Variants in TRAPPC9 observed in about 807,000 individuals in gnomAD.
TRAPPC9 encodes the protein IKK2 binding protein.
TRAPPC9 carries 83 observed loss-of-function variants against 124.0 expected under a neutral mutation model. That is an observed-to-expected ratio of 0.67 (90% CI 0.56 to 0.80). The LOEUF (loss-of-function observed/expected upper bound fraction) is 0.80, where lower values mean the gene tolerates loss of function less well. Ranked by LOEUF, TRAPPC9 falls within the 30% of genes least tolerant of loss-of-function variation. The pLI is 0.00. For synonymous variants in TRAPPC9, 638 were observed against 617.5 expected, an observed-to-expected ratio of 1.03 and a Z score of -0.49; for missense variants, 1,302 against 1,508.3, an observed-to-expected ratio of 0.86 and a Z score of 2.27.
chr8:140,203,047 T>C (rs2062830641), intron 17 of TRAPPC9, among the ~76,000 whole-genome samples: 2 of 152,154 alleles, frequency 1.3e-5, no homozygotes, highest in Admixed American at 6.5e-5. Context: ...CAAAATGCAA[T>C]GCAATGAGTG....
chr8:139,977,325 G>A (rs745680938), intron 19 of TRAPPC9, among the ~76,000 whole-genome samples: 6 of 151,434 alleles, frequency 4.0e-5, no homozygotes, highest in Non-Finnish European at 5.9e-5. Context: ...AAGTAGCTTC[G>A]AAAAAAAATG....
chr8:140,081,637 G>A (rs1334653853), intron 17 of TRAPPC9, among the ~76,000 whole-genome samples: 9 of 152,126 alleles, frequency 5.9e-5, no homozygotes, highest in South Asian at 2.1e-4. Context: ...TGAGCACTGC[G>A]CCCGGCCAAT....
intron 21 of TRAPPC9, among the ~76,000 whole-genome samples, chr8:139,815,942 G>A (rs1462376361): frequency 6.6e-6 from 1 of 152,230 alleles, no homozygotes. Context: ...GAGGCCCAGC[G>A]AGGTTAAGGA....
intron 21 of TRAPPC9, among the ~76,000 whole-genome samples, chr8:139,836,613 A>G (rs992293984): frequency 1.3e-5 from 2 of 152,196 alleles, no homozygotes; most frequent in African/African-American, 4.8e-5. Context: ...CACACGATTC[A>G]TCCCAAGTCC....
intron 19 of TRAPPC9, among the ~76,000 whole-genome samples, chr8:139,949,793 A>G (rs1167023931): frequency 6.6e-6 from 1 of 152,156 alleles, no homozygotes; most frequent in Non-Finnish European, 1.5e-5. Flanking sequence ...TTTTTGTAGC[A>G]TGGTAGGTGA....
chr8:140,349,697 G>A (rs1304614107), intron 9 of TRAPPC9, among the ~76,000 whole-genome samples: 5 of 152,158 alleles, frequency 3.3e-5, no homozygotes, highest in Non-Finnish European at 4.4e-5. Flanking sequence ...CGGCCCTTCC[G>A]CAACATTCCA....
At chr8:139,781,578 T>C (rs1821819188) in intron 21 of TRAPPC9, among the ~76,000 whole-genome samples, 2 of 152,236 alleles carry the variant, frequency 1.3e-5, no homozygotes, top group Admixed American at 6.5e-5. Context: ...TTCAAACGCA[T>C]AGAATGTACA....
At chr8:140,047,009 C>G (rs1252893131) in intron 17 of TRAPPC9, among the ~76,000 whole-genome samples, 1 of 152,204 alleles carries the variant, frequency 6.6e-6, no homozygotes, top group Non-Finnish European at 1.5e-5. Context: ...ATAAACTGCT[C>G]TTGTTCCTTT....
intron 21 of TRAPPC9, among the ~76,000 whole-genome samples, chr8:139,779,266 T>G (rs930868257): frequency 1.4e-4 from 22 of 152,024 alleles, no homozygotes; most frequent in Admixed American, 6.5e-4. Context: ...AAAAACCAAC[T>G]CTTTCAAAAA....
At position 139,984,030 on chromosome 8, in the gene TRAPPC9, G is replaced by A. The variant is rs897383804; in HGVS notation, c.2810+4696C>T. On this transcript the variant is annotated intron_variant, in intron 19 of 22. Coordinates refer to ENST00000438773, the MANE Select transcript of TRAPPC9 (RefSeq NM_001160372.4). This position sits in a 1 kb window ranked among gnomAD's most constrained non-coding sequence, Gnocchi z 4.3. ...CCCAGGAAGCATGTTGCTCCTCCTC[G>A]TGCTGTTGGGGACACATTTCTATCC... 6.6e-6 allele frequency among the ~76,000 whole-genome samples: 1 copy of A among 152,104 alleles called. No homozygotes were observed. Among genetic ancestry groups the A allele is most frequent in the Non-Finnish European group, 1.5e-5 (1 of 68,022 alleles).
At chr8:139,853,016 T>C (rs974263405) in intron 21 of TRAPPC9, among the ~76,000 whole-genome samples, 1 of 152,190 alleles carries the variant, frequency 6.6e-6, no homozygotes, top group African/African-American at 2.4e-5. Flanking sequence ...TCGCAAAGGT[T>C]CTTTGTATCT....
At chr8:140,253,435 G>T (rs1234524363) in intron 15 of TRAPPC9, among the ~76,000 whole-genome samples, 1 of 152,100 alleles carries the variant, frequency 6.6e-6, no homozygotes, top group Non-Finnish European at 1.5e-5. Context: ...CCAGCACTTT[G>T]AAAGGCTGAG....
intron 9 of TRAPPC9, among the ~76,000 whole-genome samples, chr8:140,316,857 T>C (rs1283686213): frequency 6.6e-6 from 1 of 152,216 alleles, no homozygotes; most frequent in Non-Finnish European, 1.5e-5. Flanking sequence ...TCCCGGGCTT[T>C]TCTTTGATGG....
At chr8:139,839,819 G>A (rs548264922) in intron 21 of TRAPPC9, among the ~76,000 whole-genome samples, 1 of 152,268 alleles carries the variant, frequency 6.6e-6, no homozygotes, top group Admixed American at 6.5e-5. Context: ...CTATTCCGGA[G>A]ACAGAAAGTG....
chr8:140,385,432 A>C (rs1295082521), intron 7 of TRAPPC9, among the ~76,000 whole-genome samples: 3 of 152,214 alleles, frequency 2.0e-5, no homozygotes, highest in African/African-American at 4.8e-5. Context: ...AAGACTAATA[A>C]GAAGAAAAGA....
chr8:139,991,168 G>A (rs1462747423), intron 18 of TRAPPC9, among the ~76,000 whole-genome samples: 11 of 152,258 alleles, frequency 7.2e-5, no homozygotes, highest in East Asian at 3.9e-4. Flanking sequence ...AAGGGAACTC[G>A]TAAAACATTT....
intron 17 of TRAPPC9, among the ~76,000 whole-genome samples, chr8:140,031,142 T>C (rs1448931129): frequency 2.0e-5 from 3 of 152,182 alleles, no homozygotes; most frequent in African/African-American, 7.2e-5. Flanking sequence ...TAAGAGCGAA[T>C]GTGAGGCCCT....
At chr8:139,996,158 C>CA in intron 18 of TRAPPC9, among the ~76,000 whole-genome samples, 4,180 of 19,526 alleles carry the variant, frequency 0.21, 542 homozygotes, top group Middle Eastern at 0.31. Context: ...AAAACTTAAG[C>CA]AAAAAAAAAA....
chr8:140,069,173 C>T (rs1437638956), intron 17 of TRAPPC9, among the ~76,000 whole-genome samples: 3 of 152,224 alleles, frequency 2.0e-5, no homozygotes, highest in Non-Finnish European at 4.4e-5. Context: ...CAGCAGAATT[C>T]AGTATCTGCT....
Sources: allele counts gnomAD v4.1 joint callset (sites outside exome capture counted in the v4.1 genomes callset), GRCh38; gene constraint gnomAD v4.1.1; non-coding constraint Gnocchi (gnomAD v3.1); transcripts MANE v1.5; gene names NCBI Gene and HGNC (gene_info 2026-07-23, HGNC 2026-07-21).